THRAP3: variants seen among roughly 807,000 people sequenced by gnomAD.
The protein encoded by THRAP3 is thyroid hormone receptor-associated protein 3.
Under a neutral mutation model 101.0 loss-of-function variants are expected in THRAP3, and 16 were observed. That is an observed-to-expected ratio of 0.16 (90% CI 0.11 to 0.24). The LOEUF (loss-of-function observed/expected upper bound fraction) is 0.24. THRAP3 is among the 10% of genes least tolerant of loss of function. The pLI is 1.00. For synonymous variants in THRAP3, 407 were observed against 422.6 expected, an observed-to-expected ratio of 0.96 and a Z score of 0.45; for missense variants, 989 against 1,202.7, an observed-to-expected ratio of 0.82 and a Z score of 2.63.
chr1:36,301,428 C>A, intron 10 of THRAP3, 125 bp from the exon 11 acceptor site: 3 of 1,245,120 alleles, frequency 2.4e-6, no homozygotes, highest in Middle Eastern at 2.8e-4. Flanking sequence ...AACCAGCTGA[C>A]CAGCATATGA....
chr1:36,243,624 G>A (rs1027981958), intron 1 of THRAP3, among the ~76,000 whole-genome samples: 1 of 152,152 alleles, frequency 6.6e-6, no homozygotes, highest in South Asian at 2.1e-4. Flanking sequence ...GCAACCATCC[G>A]ACTTCTCAAT....
intron 2 of THRAP3, among the ~76,000 whole-genome samples, chr1:36,277,950 A>G (rs1218506699): frequency 2.7e-5 from 4 of 150,138 alleles, no homozygotes; most frequent in Non-Finnish European, 5.9e-5. Context: ...TTTAGTAGAG[A>G]GGGGGTTTAA....
chr1:36,218,732 G>A, the THRAP3 span, among the ~76,000 whole-genome samples: 2 of 149,638 alleles, frequency 1.3e-5, no homozygotes, highest in Non-Finnish European at 3.0e-5. Context: ...AAAAAAAAAG[G>A]AAATTAAAAG....
upstream of THRAP3, among the ~76,000 whole-genome samples, chr1:36,220,972 A>AAAAAAAAAAAATAT (rs1285765741): frequency 1.1e-5 from 1 of 94,146 alleles, no homozygotes; most frequent in African/African-American, 4.7e-5. Context: ...AAAAAAAAAA[A>AAAAAAAAAAAATAT]ATATATATAT....
At chr1:36,232,045 A>G (rs537512301) in intron 1 of THRAP3, among the ~76,000 whole-genome samples, 10 of 152,092 alleles carry the variant, frequency 6.6e-5, no homozygotes, top group Admixed American at 2.6e-4. Flanking sequence ...GGCGAAACCC[A>G]TCTCTACTAA....
At chr1:36,236,341 C>T (rs751358882) in intron 1 of THRAP3, among the ~76,000 whole-genome samples, 2 of 152,002 alleles carry the variant, frequency 1.3e-5, no homozygotes, top group Non-Finnish European at 2.9e-5. Flanking sequence ...AAATTTAGTT[C>T]ATCAGTCATA....
intron 1 of THRAP3, among the ~76,000 whole-genome samples, chr1:36,235,262 C>T (rs1433199414): frequency 1.3e-5 from 2 of 152,056 alleles, no homozygotes; most frequent in Non-Finnish European, 2.9e-5. Context: ...AAGATTTTGA[C>T]ACCATAGATA....
the THRAP3 span, among the ~76,000 whole-genome samples, chr1:36,216,596 T>TCAA: frequency 6.6e-6 from 1 of 150,948 alleles, no homozygotes; most frequent in East Asian, 1.9e-4. Context: ...GGTCAGGAGT[T>TCAA]CAAGACCAGC....
At chr1:36,216,389 G>A in the THRAP3 span, among the ~76,000 whole-genome samples, 60 of 150,564 alleles carry the variant, frequency 4.0e-4, no homozygotes, top group African/African-American at 1.3e-3. Flanking sequence ...GTTTGGTGGC[G>A]TGTAATCCCA....
chr1:36,257,915 A>G (rs2124481502), intron 1 of THRAP3, among the ~76,000 whole-genome samples: 1 of 152,270 alleles, frequency 6.6e-6, no homozygotes, highest in South Asian at 2.1e-4. Flanking sequence ...ATCTCGGCAC[A>G]CTGCAACCTC....
At chr1:36,222,572 A>G (rs115121555), upstream of THRAP3, among the ~76,000 whole-genome samples, 1,545 of 152,002 alleles carry the variant, frequency 0.01, 17 homozygotes, top group Non-Finnish European at 0.014. Context: ...ACGCCCGGCT[A>G]ATCTGTAGTA....
At chr1:36,283,878 A>C (rs1351580162) in intron 3 of THRAP3, among the ~76,000 whole-genome samples, 2 of 152,228 alleles carry the variant, frequency 1.3e-5, no homozygotes, top group African/African-American at 4.8e-5. Context: ...AATGGAGTCT[A>C]TGAGAAGCCA....
At chr1:36,271,664 G>A (rs538584387) in intron 2 of THRAP3, among the ~76,000 whole-genome samples, 21 of 134,480 alleles carry the variant, frequency 1.6e-4, no homozygotes, top group Admixed American at 1.2e-3. Context: ...TGCAGTCTTC[G>A]CTCACCACAA....
At chr1:36,252,814 C>A (rs901739749) in intron 1 of THRAP3, among the ~76,000 whole-genome samples, 13 of 151,026 alleles carry the variant, frequency 8.6e-5, no homozygotes, top group Admixed American at 6.0e-4. Flanking sequence ...GGCTGAGGCA[C>A]AAGAATCTCT....
the THRAP3 span, among the ~76,000 whole-genome samples, chr1:36,209,578 A>T: frequency 6.6e-6 from 1 of 152,156 alleles, no homozygotes; most frequent in African/African-American, 2.4e-5. Flanking sequence ...CCAGATAATA[A>T]AGTGCCTGTT....
intron 9 of THRAP3, 117 bp downstream of exon 9, chr1:36,296,887 TTTC>T (rs1645959326): frequency 1.3e-6 from 1 of 741,248 alleles, no homozygotes; most frequent in South Asian, 3.3e-5. Flanking sequence ...TAGCAACCTG[TTTC>T]TTCTTTTAAT....
Position 36,286,372 on chromosome 1 carries a change from A to G in THRAP3, c.142A>G (p.Arg48Gly), listed in dbSNP as rs762811150. 3.8e-6 allele frequency: 6 copies of G among 1,571,802 alleles called. 1 individual carries two copies. The South Asian group carries it at 7.1e-5, about 18-fold the overall frequency. ...TCTCTTTCCTTTCCATTCCAGTTCT[A>G]GGTCTCGTTCCAGATCATATTCTCC... ...SRSRKRRLSS[R>G]SRSRSYSPAH... is the part of the protein sequence containing the mutation. Residue 48 changes from arginine (R) to glycine (G), a missense_variant, in exon 4 of 12, where the codon AGG becomes GGG. Transcript: ENST00000354618. The surrounding 1 kb of genome is among the most constrained non-coding windows in gnomAD (Gnocchi z 5.5).
chr1:36,264,172 T>C (rs1003945234), intron 2 of THRAP3, among the ~76,000 whole-genome samples: 2 of 151,998 alleles, frequency 1.3e-5, no homozygotes, highest in Non-Finnish European at 2.9e-5. Context: ...CCATTCTCCT[T>C]CTTGTAGGCA....
chr1:36,218,455 G>A, the THRAP3 span, among the ~76,000 whole-genome samples: 4 of 139,114 alleles, frequency 2.9e-5, no homozygotes, highest in African/African-American at 1.1e-4. Flanking sequence ...AGTTGCTCAC[G>A]CCTGTAATCC....
Sources: allele counts gnomAD v4.1 joint callset (sites outside exome capture counted in the v4.1 genomes callset), GRCh38; gene constraint gnomAD v4.1.1; non-coding constraint Gnocchi (gnomAD v3.1); transcripts MANE v1.5; gene names NCBI Gene and HGNC (gene_info 2026-07-23, HGNC 2026-07-21).